GATM: variants seen among roughly 807,000 people sequenced by gnomAD.
The protein encoded by GATM is glycine amidinotransferase.
A neutral mutation model predicts 54.2 loss-of-function variants in GATM; 23 were observed. The observed-to-expected ratio is 0.42, with a 90% CI of 0.31 to 0.60. The LOEUF (loss-of-function observed/expected upper bound fraction) is 0.60. Ranked by LOEUF, GATM falls within the 20% of genes least tolerant of loss-of-function variation. The pLI is 0.14. For synonymous variants in GATM, 168 were observed against 183.1 expected (o/e 0.92, Z 0.67); for missense variants, 401 against 544.9 (o/e 0.74, Z 2.63).
chr15:45,366,362 T>C lies in GATM; in HGVS notation c.813+9A>G. ...ATAGTGTGAAATTTCAGAGGCAGCC[T>C]GCGTTCACCTGGCTTCTCTGTGCAA... On this transcript the variant is annotated intron_variant, in intron 5 of 8. Coordinates refer to ENST00000396659, the MANE Select transcript of GATM (RefSeq NM_001482.3). The C allele has an allele frequency of 6.2e-7, 1 of 1,614,104 alleles. No homozygotes were observed. The highest frequency in any genetic ancestry group is 8.5e-7 in the Non-Finnish European group (1 of 1,179,948).
chr15:45,367,340 CAA>C (rs199666485), intron 4 of GATM, among the ~76,000 whole-genome samples: 81,181 of 138,614 alleles, frequency 0.59, 25,654 homozygotes, highest in East Asian at 0.91. Context: ...GACTCCATCT[CAA>C]AAAAAAAAAA....
At chr15:45,374,050 A>G (rs568256452) in intron 2 of GATM, among the ~76,000 whole-genome samples, 1 of 152,334 alleles carries the variant, frequency 6.6e-6, no homozygotes, top group Non-Finnish European at 1.5e-5. Context: ...AAAATACTTA[A>G]CATGTAACCT....
At chr15:45,364,206 G>T in intron 7 of GATM, 190 bp from the exon 8 acceptor site, 1 of 592,118 alleles carries the variant, frequency 1.7e-6, no homozygotes, top group Non-Finnish European at 3.0e-6. Context: ...TTATACATTT[G>T]AATTTCACCC....
chr15:45,368,164 C>T lies in GATM; in HGVS notation c.581G>A (p.Arg194Gln), dbSNP rs774017569. ...GTCTTTGATAATTGACCTGTACGCT[C>T]GGTACTCAAAGAAGCGTGAACGCCA... ...MAWRSRFFEY[R>Q]AYRSIIKDYF... The change falls in exon 4 of 9, where the codon CGA (arginine) becomes CAA (glutamine). Residue 194 changes from arginine to glutamine, a missense_variant. Arg to Gln is a conservative substitution (Grantham distance 43). This residue lies in a region of GATM where 321 missense variants were observed against 457.5 expected (regional missense o/e 0.70). Transcript: ENST00000396659. This position sits in a 1 kb window ranked among gnomAD's most constrained non-coding sequence, Gnocchi z 5.1. 7 of 1,613,996 alleles carry T rather than the reference C, an allele frequency of 4.3e-6. No homozygotes were observed. Among genetic ancestry groups the T allele is most frequent in the Admixed American group, 1.7e-5 (1 of 60,014 alleles).
chr15:45,390,791 T>G (rs1295212133), intron 3 of GATM, among the ~76,000 whole-genome samples: 1 of 152,072 alleles, frequency 6.6e-6, no homozygotes, highest in Non-Finnish European at 1.5e-5. Context: ...TGAAATACAG[T>G]GCCTTTATTA....
upstream of GATM, among the ~76,000 whole-genome samples, chr15:45,382,009 C>T (rs1218473545): frequency 6.6e-6 from 1 of 152,160 alleles, no homozygotes; most frequent in Non-Finnish European, 1.5e-5. Flanking sequence ...TACCTTTGAA[C>T]ACGTGAGTGA....
At chr15:45,371,122 G>C (rs1268171440) in intron 2 of GATM, among the ~76,000 whole-genome samples, 2 of 152,160 alleles carry the variant, frequency 1.3e-5, no homozygotes, top group African/African-American at 4.8e-5. Flanking sequence ...TCTGCATTCA[G>C]ATTGTTTTCC....
intron 1 of GATM, among the ~76,000 whole-genome samples, chr15:45,401,176 G>A (rs991967008): frequency 1.3e-5 from 2 of 152,160 alleles, no homozygotes; most frequent in East Asian, 3.8e-4. Flanking sequence ...GTAAGTTACT[G>A]TCAAGTCAAG....
chr15:45,367,008 C>T (rs1000044286), intron 4 of GATM, among the ~76,000 whole-genome samples: 5 of 152,100 alleles, frequency 3.3e-5, no homozygotes, highest in African/African-American at 1.2e-4. Flanking sequence ...GAGTCTGGAA[C>T]ATATCCCCTG....
chr15:45,367,016 C>T (rs1186999285), intron 4 of GATM, among the ~76,000 whole-genome samples: 5 of 152,058 alleles, frequency 3.3e-5, no homozygotes, highest in Admixed American at 6.6e-5. Context: ...AACATATCCC[C>T]TGAGGATGAA....
intron 3 of GATM, among the ~76,000 whole-genome samples, chr15:45,388,721 T>G (rs1313928492): frequency 6.6e-6 from 1 of 152,206 alleles, no homozygotes; most frequent in African/African-American, 2.4e-5. Context: ...CTTTTCATCG[T>G]ATCGTATCAG....
chr15:45,372,958 T>G (rs969432997), intron 2 of GATM, among the ~76,000 whole-genome samples: 7 of 152,256 alleles, frequency 4.6e-5, no homozygotes, highest in African/African-American at 1.7e-4. Context: ...CATATGATGC[T>G]TTTAATAATC....
intron 2 of GATM, among the ~76,000 whole-genome samples, chr15:45,369,996 T>C (rs1343096161): frequency 6.6e-6 from 1 of 151,994 alleles, no homozygotes; most frequent in Non-Finnish European, 1.5e-5. Flanking sequence ...AAATAGCACC[T>C]CAAGATATTT....
chr15:45,377,095 C>T (rs1049134494), intron 1 of GATM: 1 of 494,252 alleles, frequency 2.0e-6, no homozygotes, highest in Non-Finnish European at 3.8e-6. Context: ...ACCATACACC[C>T]CCATCTTTAT....
Position 45,376,690 on chromosome 15 carries a change from A to T in GATM, c.199T>A (p.Ser67Thr), listed in dbSNP as rs762117101. The change falls in exon 2 of 9, where the codon TCT (serine) becomes ACT (threonine). Residue 67 changes from serine to threonine, a missense_variant. Around this residue, in one of 3 missense-constraint regions of GATM, gnomAD observed 321 missense variants for 457.5 expected, o/e 0.70. Transcript: ENST00000396659. ...AAGGGGTCCCATTCGTTGTAAGAAG[A>T]GACAGGGCAGTCCTTGGGCAGAGGC... ...TEPLPKDCPV[S>T]SYNEWDPLEE... 4 of 1,614,184 alleles carry T rather than the reference A, an allele frequency of 2.5e-6. No individual in the cohort carries two copies. The South Asian group carries it at 4.4e-5, about 18-fold the overall frequency.
At chr15:45,369,674 A>C in intron 2 of GATM, 153 bp from the exon 3 acceptor site, 1 of 706,934 alleles carries the variant, frequency 1.4e-6, no homozygotes, top group East Asian at 2.7e-5. Flanking sequence ...TGAGCACATA[A>C]GCCCTCTGGG....
chr15:45,387,870 CA>C (rs1465411904), intron 3 of GATM, among the ~76,000 whole-genome samples: 1 of 152,110 alleles, frequency 6.6e-6, no homozygotes, highest in African/African-American at 2.4e-5. Flanking sequence ...ATTCTCAGTG[CA>C]ATTCTTTTTT....
upstream of GATM, among the ~76,000 whole-genome samples, chr15:45,381,889 A>G (rs1433630831): frequency 6.6e-6 from 1 of 152,228 alleles, no homozygotes; most frequent in African/African-American, 2.4e-5. Flanking sequence ...CATCAATAAA[A>G]TATATTTGGA....
chr15:45,394,764 C>G (rs1889909328), intron 3 of GATM, among the ~76,000 whole-genome samples: 1 of 152,200 alleles, frequency 6.6e-6, no homozygotes, highest in Admixed American at 6.5e-5. Context: ...ATGAAACATT[C>G]AGTACCAAGG....
Sources: allele counts gnomAD v4.1 joint callset (sites outside exome capture counted in the v4.1 genomes callset), GRCh38; gene constraint gnomAD v4.1.1; regional missense constraint gnomAD v4.1.1; non-coding constraint Gnocchi (gnomAD v3.1); transcripts MANE v1.5; gene names NCBI Gene and HGNC (gene_info 2026-07-23, HGNC 2026-07-21).